Variants in WDPCP observed in about 807,000 individuals in gnomAD.
WDPCP encodes the protein WD repeat-containing and planar cell polarity effector protein fritz homolog.
Under a neutral mutation model 93.1 loss-of-function variants are expected in WDPCP, and 71 were observed. That is an observed-to-expected ratio of 0.76 (90% CI 0.63 to 0.93). The LOEUF is 0.93. Among genes scored for constraint, WDPCP ranks in the 40% least tolerant of loss-of-function variants. The pLI, the probability that WDPCP is intolerant of heterozygous loss-of-function variation, is 0.00. For missense variants in WDPCP, 844 were observed against 887.4 expected (o/e 0.95, Z 0.62); for synonymous variants, 315 against 315.0 (o/e 1.00, Z 0.00).
Position 63,384,399 on chromosome 2 carries a change from A to T in WDPCP, c.1436-2305T>A, listed in dbSNP as rs550068844. ...TAACCTAAATGCAATGGATTCCTTG[A>T]AAGACCCAAACTATCAAAGCTCACT... On this transcript the variant is annotated intron_variant, in intron 10 of 17. Coordinates refer to ENST00000272321, the MANE Select transcript of WDPCP (RefSeq NM_015910.7). Among the ~76,000 whole-genome samples, 3 of 152,282 alleles carry T rather than the reference A, an allele frequency of 2.0e-5. No homozygotes were observed. In the South Asian group the frequency reaches 6.2e-4, roughly 32 times the overall value.
At chr2:63,175,061 A>G (rs768529588) in intron 14 of WDPCP, among the ~76,000 whole-genome samples, 24 of 152,190 alleles carry the variant, frequency 1.6e-4, no homozygotes, top group Non-Finnish European at 2.8e-4. Context: ...TAAAAAATTC[A>G]TTTATATCTT....
intron 14 of WDPCP, among the ~76,000 whole-genome samples, chr2:63,210,692 ATTCCCT>A (rs1035472220): frequency 6.6e-6 from 1 of 152,220 alleles, no homozygotes; most frequent in Non-Finnish European, 1.5e-5. Context: ...GGGTCAGGGA[ATTCCCT>A]TTCCCAGCCA....
At chr2:63,285,067 A>T (rs1309598614) in intron 13 of WDPCP, among the ~76,000 whole-genome samples, 1 of 152,242 alleles carries the variant, frequency 6.6e-6, no homozygotes, top group Admixed American at 6.5e-5. Context: ...AAGAACAGAT[A>T]TGATAAAAAA....
At position 63,486,582 on chromosome 2, in the gene WDPCP, T is replaced by C; in HGVS notation, c.213A>G (p.Thr71=). Residue 71 remains threonine, a synonymous_variant, in exon 4 of 18, where the codon ACA becomes ACG. Transcript: ENST00000272321. ...GCTTCTTTTCTAAGTTACCATGCTC[T>C]GTCGCTGATATTGTGGCAGAAGGGA... ...QYYDKKDPPA[T]EHGNLEKKQK... is the part of the protein sequence containing the mutation. 2.5e-6 allele frequency: 4 copies of C among 1,575,106 alleles called. No homozygotes were observed. In the South Asian group the frequency reaches 4.6e-5, roughly 18 times the overall value.
chr2:63,434,328 T>C (rs958520188), intron 8 of WDPCP, among the ~76,000 whole-genome samples: 1 of 152,142 alleles, frequency 6.6e-6, no homozygotes, highest in Non-Finnish European at 1.5e-5. Flanking sequence ...GTTTAAGACA[T>C]AACGTGTTAA....
intron 1 of WDPCP, among the ~76,000 whole-genome samples, chr2:63,524,516 T>C: frequency 6.6e-6 from 1 of 152,194 alleles, no homozygotes; most frequent in East Asian, 1.9e-4. Context: ...GACTCCCTAT[T>C]GAATAAATGG....
chr2:63,725,571 A>G (rs1669485569), intron 2 of WDPCP, among the ~76,000 whole-genome samples: 1 of 152,094 alleles, frequency 6.6e-6, no homozygotes, highest in African/African-American at 2.4e-5. Flanking sequence ...TAGTAGTGGG[A>G]TTGCTGAGTC....
chr2:63,608,654 T>A (rs763235219), intron 3 of WDPCP, among the ~76,000 whole-genome samples: 2 of 151,656 alleles, frequency 1.3e-5, no homozygotes, highest in African/African-American at 4.8e-5. Context: ...ACAAAAAAAT[T>A]TAAAAATTAG....
intron 3 of WDPCP, chr2:63,599,330 C>G (rs373838241): frequency 6.3e-7 from 1 of 1,580,784 alleles, no homozygotes; most frequent in Non-Finnish European, 8.6e-7. Context: ...GGTTGTTCAA[C>G]TTTAAAACAT....
chr2:63,349,293 T>C lies in WDPCP; in HGVS notation c.1748+29093A>G, dbSNP rs185966999. Among the ~76,000 whole-genome samples, 18 of 152,206 alleles carry C rather than the reference T, an allele frequency of 1.2e-4. No individual in the cohort carries two copies. The East Asian group carries it at 3.5e-3, about 29-fold the overall frequency. ...ATATATAGGGCATAAATTTCAAAAA[T>C]AAAATAATTCAGATCTTAGTTTAAA... On this transcript the variant is annotated intron_variant, in intron 12 of 17. Coordinates refer to ENST00000272321, the MANE Select transcript of WDPCP (RefSeq NM_015910.7).
intron 2 of WDPCP, among the ~76,000 whole-genome samples, chr2:63,797,284 T>C (rs920967618): frequency 1.3e-5 from 2 of 152,074 alleles, no homozygotes; most frequent in African/African-American, 2.4e-5. Flanking sequence ...CGAGGAGGAC[T>C]CTTTCTGCTT....
chr2:63,568,962 G>A (rs1707279291), intron 1 of WDPCP, among the ~76,000 whole-genome samples: 1 of 152,208 alleles, frequency 6.6e-6, no homozygotes, highest in Non-Finnish European at 1.5e-5. Context: ...TTGCTTCTAA[G>A]AGAAGTTACT....
chr2:63,372,064 G>A (rs1179782329), intron 12 of WDPCP, among the ~76,000 whole-genome samples: 1 of 152,144 alleles, frequency 6.6e-6, no homozygotes, highest in Non-Finnish European at 1.5e-5. Flanking sequence ...CAATTGCTTG[G>A]CTTCTGGTGA....
rs1398216931 is a variant in WDPCP, at chr2:63,303,882, T to A, written c.1812+9366A>T. Among the ~76,000 whole-genome samples the A allele has an allele frequency of 2.0e-5, 3 of 149,696 alleles. 1 individual carries two copies. Among genetic ancestry groups the A allele is most frequent in the Non-Finnish European group, 4.4e-5 (3 of 67,678 alleles). On this transcript the variant is annotated intron_variant, in intron 13 of 17. Transcript: ENST00000272321. ...AGTCAATAAACATATGAAAAAATGCTCAACATCACTAATTATCAGAGAAAT... is the reference window on the plus strand; with the variant it reads ...AGTCAATAAACATATGAAAAAATGCACAACATCACTAATTATCAGAGAAAT...
chr2:63,374,883 G>A (rs1043022171), intron 12 of WDPCP, among the ~76,000 whole-genome samples: 1 of 151,894 alleles, frequency 6.6e-6, no homozygotes, highest in Non-Finnish European at 1.5e-5. Context: ...ACATTACAAA[G>A]GAAAATGCAG....
chr2:63,708,585 G>A lies in WDPCP; in HGVS notation n.309-57747C>T, dbSNP rs1324579163. 9.2e-5 allele frequency among the ~76,000 whole-genome samples: 14 copies of A among 152,116 alleles called. 1 individual carries two copies. The highest frequency in any genetic ancestry group is 3.9e-4 in the Admixed American group (6 of 15,276). ...ACCCCTTGCGCTTCCCGGGTGAGGC[G>A]ATGCCTCGCCCTGCTTTGGGTCATG... On this transcript the variant is annotated intron_variant and non_coding_transcript_variant, in intron 2 of 4. Coordinates refer to the WDPCP transcript ENST00000467687.
chr2:63,356,202 G>C (rs1690011373), intron 12 of WDPCP, among the ~76,000 whole-genome samples: 2 of 152,278 alleles, frequency 1.3e-5, no homozygotes, highest in South Asian at 4.1e-4. Context: ...TAATGGTAAA[G>C]GATTCAATTC....
intron 17 of WDPCP, among the ~76,000 whole-genome samples, chr2:63,148,379 G>T (rs146043628): frequency 6.6e-6 from 1 of 152,004 alleles, no homozygotes; most frequent in East Asian, 1.9e-4. Context: ...TCATTCTGTC[G>T]CCCAGGCTGG....
chr2:63,823,460 A>G (rs1671059786), intron 1 of WDPCP, among the ~76,000 whole-genome samples: 1 of 152,128 alleles, frequency 6.6e-6, no homozygotes, highest in African/African-American at 2.4e-5. Context: ...CTGAGATTGC[A>G]CCACTGCACT....
Sources: gnomAD v4.1 joint callset for allele counts (sites outside exome capture counted in the v4.1 genomes callset) on GRCh38, gnomAD v4.1.1 for gene constraint, MANE v1.5 for transcripts, NCBI Gene and HGNC (gene_info 2026-07-23, HGNC 2026-07-21) for gene names.